PLXNA4: variants seen among roughly 807,000 people sequenced by gnomAD.
The protein encoded by PLXNA4 is plexin A4.
In PLXNA4, 44 loss-of-function variants were observed where a neutral mutation model predicts 191.8. That is an observed-to-expected ratio of 0.23 (90% CI 0.18 to 0.29). The LOEUF is 0.29. Among genes scored for constraint, PLXNA4 ranks in the 10% least tolerant of loss-of-function variants. The pLI is 1.00. For missense variants in PLXNA4, 1,800 were observed against 2,488.8 expected (o/e 0.72, Z 5.89); for synonymous variants, 1,082 against 1,009.5 (o/e 1.07, Z -1.36).
chr7:132,622,081 G>C (rs1465621915), intron 2 of PLXNA4, among the ~76,000 whole-genome samples: 1 of 151,982 alleles, frequency 6.6e-6, no homozygotes, highest in African/African-American at 2.4e-5. Context: ...CTTACTACTG[G>C]GTTCTAGCCA....
chr7:132,326,438 C>T (rs909804428), intron 3 of PLXNA4, among the ~76,000 whole-genome samples: 3 of 152,302 alleles, frequency 2.0e-5, no homozygotes, highest in African/African-American at 7.2e-5. Flanking sequence ...CTGATGCCCT[C>T]GAATGGTGGC....
intron 9 of PLXNA4, among the ~76,000 whole-genome samples, chr7:132,216,582 T>C (rs372008142): frequency 2.0e-5 from 3 of 152,318 alleles, no homozygotes; most frequent in South Asian, 4.1e-4. Flanking sequence ...ATGGTTAACT[T>C]GGTACAAGCA....
intron 1 of PLXNA4, among the ~76,000 whole-genome samples, chr7:132,509,534 G>C (rs1045445878): frequency 6.6e-6 from 1 of 152,212 alleles, no homozygotes; most frequent in African/African-American, 2.4e-5. Context: ...GCTTAGGGAA[G>C]TCATGTAACT....
Position 132,202,826 on chromosome 7 carries a change from G to A in PLXNA4, c.2406C>T (p.Tyr802=), listed in dbSNP as rs1393995511. 1 of 1,585,982 alleles carries A rather than the reference G, an allele frequency of 6.3e-7. No individual in the cohort carries two copies. The highest frequency in any genetic ancestry group is 8.6e-7 in the Non-Finnish European group (1 of 1,166,120). ...DNPAQNKVHL[Y]KCGAMRESCG... is the part of the protein sequence containing the mutation. Reference sequence around the variant, plus strand: ...AGCTCTCACGCATGGCTCCACACTTGTAGAGGTGAACTGCAGAGGGGAAGG... The same window carrying A: ...AGCTCTCACGCATGGCTCCACACTTATAGAGGTGAACTGCAGAGGGGAAGG... Residue 802 remains tyrosine (Y), a synonymous_variant, in exon 12 of 32, where the codon TAC becomes TAT. Transcript: ENST00000321063.
intron 3 of PLXNA4, among the ~76,000 whole-genome samples, chr7:132,430,288 A>G (rs1256129724): frequency 6.6e-6 from 1 of 152,224 alleles, no homozygotes; most frequent in Non-Finnish European, 1.5e-5. Flanking sequence ...GTACCCTGAC[A>G]GCAGGGACAT....
At chr7:132,587,218 C>T (rs759873223) in intron 2 of PLXNA4, among the ~76,000 whole-genome samples, 4 of 152,108 alleles carry the variant, frequency 2.6e-5, no homozygotes, top group Non-Finnish European at 5.9e-5. Flanking sequence ...TGATGTTCAG[C>T]TTTGAGAAGT....
chr7:132,133,891 C>G (rs1010980587), intron 30 of PLXNA4, among the ~76,000 whole-genome samples: 1 of 152,168 alleles, frequency 6.6e-6, no homozygotes, highest in Non-Finnish European at 1.5e-5. Context: ...CTCACCCTCT[C>G]CTATGTACTT....
intron 14 of PLXNA4, among the ~76,000 whole-genome samples, chr7:132,188,992 AGG>A (rs1491473801): frequency 1.4e-4 from 5 of 35,748 alleles, no homozygotes; most frequent in Middle Eastern, 0.015. Flanking sequence ...AGGAAAGGAA[AGG>A]AGAGAGAGAG....
intron 30 of PLXNA4, among the ~76,000 whole-genome samples, chr7:132,139,879 T>G (rs1483348535): frequency 2.0e-5 from 3 of 152,216 alleles, no homozygotes; most frequent in Non-Finnish European, 4.4e-5. Context: ...AGGGCTTCTG[T>G]GATGAATAAA....
At position 132,168,548 on chromosome 7, in the gene PLXNA4, C is replaced by T; in HGVS notation, c.4042G>A (p.Val1348Met). ...GCGAAGAGCTTCAGGCCTTTCTCCA[C>T]ACGCTCCTGCCGGTAGCCCGGGACC... ...LEVPGYRQER[V>M]EKGLKLFAQL... The change falls in exon 22 of 32, where the codon GTG becomes ATG. Residue 1348 changes from valine (V) to methionine (M), a missense_variant. Val to Met is a conservative substitution (Grantham distance 21, BLOSUM62 1). Coordinates refer to ENST00000321063, the MANE Select transcript of PLXNA4 (RefSeq NM_020911.2). 1 of 1,595,784 alleles carries T rather than the reference C, an allele frequency of 6.3e-7. No homozygotes were observed. Among genetic ancestry groups the T allele is most frequent in the Non-Finnish European group, 8.5e-7 (1 of 1,169,606 alleles).
intron 1 of PLXNA4, among the ~76,000 whole-genome samples, chr7:132,566,319 T>C (rs1372135282): frequency 6.7e-6 from 1 of 149,954 alleles, no homozygotes; most frequent in African/African-American, 2.5e-5. Flanking sequence ...CACACACACA[T>C]ACAATCATTA....
chr7:132,309,648 G>A (rs1801653815), intron 3 of PLXNA4, among the ~76,000 whole-genome samples: 4 of 152,272 alleles, frequency 2.6e-5, no homozygotes, highest in Admixed American at 2.6e-4. Context: ...CTCTCCTGCT[G>A]GAAATCTGGC....
chr7:132,494,745 C>T (rs1340996261), intron 2 of PLXNA4, among the ~76,000 whole-genome samples: 2 of 152,226 alleles, frequency 1.3e-5, no homozygotes, highest in Non-Finnish European at 1.5e-5. Flanking sequence ...TTACCAATTA[C>T]AGGGAAATTG....
chr7:132,298,611 T>G (rs950562984), intron 3 of PLXNA4, among the ~76,000 whole-genome samples: 1 of 152,246 alleles, frequency 6.6e-6, no homozygotes, highest in African/African-American at 2.4e-5. Flanking sequence ...GGCAATATTA[T>G]TTGCTGCATT....
intron 3 of PLXNA4, among the ~76,000 whole-genome samples, chr7:132,344,209 A>G (rs1803149801): frequency 6.6e-6 from 1 of 152,124 alleles, no homozygotes; most frequent in Non-Finnish European, 1.5e-5. Flanking sequence ...GTGCCATGAC[A>G]GCCCTATGTC....
intron 3 of PLXNA4, chr7:132,484,761 C>T: frequency 6.2e-7 from 1 of 1,605,650 alleles, no homozygotes; most frequent in Non-Finnish European, 8.5e-7. Context: ...GCAGGGCTTT[C>T]TGTGCTATGA....
chr7:132,247,313 G>T (rs1346000215), intron 4 of PLXNA4, among the ~76,000 whole-genome samples: 1 of 152,178 alleles, frequency 6.6e-6, no homozygotes, highest in Non-Finnish European at 1.5e-5. Flanking sequence ...GGATGCTAAT[G>T]CAACGATGGC....
chr7:132,181,977 G>A (rs1796722723), intron 17 of PLXNA4, 120 bp downstream of exon 17: 2 of 1,505,088 alleles, frequency 1.3e-6, no homozygotes, highest in Non-Finnish European at 1.8e-6. Flanking sequence ...AGGGTGTCAG[G>A]CTGTGGGTTA....
chr7:132,496,719 C>T (rs570706321), intron 2 of PLXNA4, among the ~76,000 whole-genome samples: 1 of 152,136 alleles, frequency 6.6e-6, no homozygotes, highest in African/African-American at 2.4e-5. Flanking sequence ...ATCTTAAGCA[C>T]GGGTTTCCTC....
Sources: allele counts gnomAD v4.1 joint callset (sites outside exome capture counted in the v4.1 genomes callset), GRCh38; gene constraint gnomAD v4.1.1; transcripts MANE v1.5; gene names NCBI Gene and HGNC (gene_info 2026-07-23, HGNC 2026-07-21).